KCNIP4: variants seen among roughly 807,000 people sequenced by gnomAD.
KCNIP4 encodes the protein potassium voltage-gated channel interacting protein 4, also known as Kv channel-interacting protein 4.
Under a neutral mutation model 34.0 loss-of-function variants are expected in KCNIP4, and 12 were observed. The observed-to-expected ratio is 0.35, with a 90% CI of 0.23 to 0.57. The LOEUF (loss-of-function observed/expected upper bound fraction) is 0.57, where lower values mean the gene tolerates loss of function less well. Ranked by LOEUF, KCNIP4 falls within the 20% of genes least tolerant of loss-of-function variation. KCNIP4 has a pLI of 0.83. For synonymous variants in KCNIP4, 124 were observed against 102.2 expected (o/e 1.21, Z -1.29); for missense variants, 238 against 311.7 (o/e 0.76, Z 1.78).
intron 1 of KCNIP4, among the ~76,000 whole-genome samples, chr4:21,206,535 G>T (rs755373065): frequency 2.0e-5 from 3 of 152,168 alleles, no homozygotes; most frequent in Non-Finnish European, 4.4e-5. Flanking sequence ...TTGGATGGGG[G>T]ATGGCTTCTT....
At chr4:21,426,802 C>G (rs1725967201) in intron 1 of KCNIP4, among the ~76,000 whole-genome samples, 1 of 151,232 alleles carries the variant, frequency 6.6e-6, no homozygotes, top group Non-Finnish European at 1.5e-5. Flanking sequence ...TTAATTTTTT[C>G]TCCATTGTTT....
intron 3 of KCNIP4, among the ~76,000 whole-genome samples, chr4:20,830,463 T>C (rs908345206): frequency 3.9e-5 from 6 of 152,284 alleles, no homozygotes; most frequent in Admixed American, 2.0e-4. Flanking sequence ...CTTCTGCATG[T>C]TCTTATGGGA....
chr4:21,291,853 CA>C (rs754018961), intron 1 of KCNIP4, among the ~76,000 whole-genome samples: 814 of 26,016 alleles, frequency 0.031, 15 homozygotes, highest in South Asian at 0.058. Flanking sequence ...GACTCCGCCT[CA>C]AAAAAAAAAA....
At chr4:21,097,137 T>C (rs1166503701) in intron 1 of KCNIP4, among the ~76,000 whole-genome samples, 2 of 152,044 alleles carry the variant, frequency 1.3e-5, no homozygotes, top group African/African-American at 4.8e-5. Context: ...CACCAAGACA[T>C]GTACAGAGAT....
In KCNIP4 at chr4:20,914,148, ACT is replaced by A. The variant is rs563169646; in HGVS notation, c.62-31441_62-31440del. ...CTCCAGCTTGGGCAATAAGAGCGAA[ACT>A]CTGTCTCAAAAAGAAAAAAAAAAGA... On this transcript the variant is annotated intron_variant, in intron 1 of 8. Transcript: ENST00000382152. Among the ~76,000 whole-genome samples the A allele has an allele frequency of 2.0e-3, 299 of 151,964 alleles. 1 individual carries two copies. Among genetic ancestry groups the A allele is most frequent in the African/African-American group, 7.0e-3 (289 of 41,442 alleles).
At chr4:20,840,593 G>A (rs1719602165) in intron 3 of KCNIP4, among the ~76,000 whole-genome samples, 1 of 152,164 alleles carries the variant, frequency 6.6e-6, no homozygotes, top group Non-Finnish European at 1.5e-5. Context: ...AGATGACCCA[G>A]TGGAGGAAGC....
At chr4:21,038,168 G>C (rs1180640372) in intron 1 of KCNIP4, among the ~76,000 whole-genome samples, 1 of 151,790 alleles carries the variant, frequency 6.6e-6, no homozygotes, top group African/African-American at 2.4e-5. Context: ...AGTAGAGAAG[G>C]GTTTTCACCA....
chr4:20,817,067 A>G (rs1560487002), intron 3 of KCNIP4, among the ~76,000 whole-genome samples: 1 of 152,186 alleles, frequency 6.6e-6, no homozygotes, highest in Non-Finnish European at 1.5e-5. Context: ...CAACATTATT[A>G]AGTCGAGGAA....
rs528592169 is a variant in KCNIP4 at position 21,298,510 on chromosome 4, T to C, written c.62-415801A>G. Among the ~76,000 whole-genome samples, 39 of 152,182 alleles carry C rather than the reference T, an allele frequency of 2.6e-4. No individual in the cohort carries two copies. In the South Asian group the frequency reaches 8.1e-3, roughly 32 times the overall value. On this transcript the variant is annotated intron_variant, in intron 1 of 8. Transcript: ENST00000382152. ...TTTCTCAGTAGCATCTTATGTTGAA[T>C]TTCCTCCTTTCTCCAATCACCAGCC...
At chr4:21,232,223 C>G (rs1420551446) in intron 1 of KCNIP4, among the ~76,000 whole-genome samples, 1 of 152,074 alleles carries the variant, frequency 6.6e-6, no homozygotes, top group Non-Finnish European at 1.5e-5. Flanking sequence ...TGTAAAGTAT[C>G]TGTGTCACTC....
intron 1 of KCNIP4, among the ~76,000 whole-genome samples, chr4:21,027,234 T>C (rs1740634000): frequency 6.6e-6 from 1 of 152,130 alleles, no homozygotes; most frequent in African/African-American, 2.4e-5. Flanking sequence ...TTGGCTGTCA[T>C]TGTAAATAAA....
Position 21,740,466 on chromosome 4 carries a change from A to G in KCNIP4, c.61+208105T>C, listed in dbSNP as rs181157478. ...TCCATAAATAATTATTAATCATATC[A>G]CATGTGCCAGGAACTGATATATATA... is the stretch of plus-strand genomic sequence containing the variant. On this transcript the variant is annotated intron_variant, in intron 1 of 8. Coordinates refer to ENST00000382152, the MANE Select transcript of KCNIP4 (RefSeq NM_025221.6). 3.2e-3 allele frequency among the ~76,000 whole-genome samples: 488 copies of G among 151,912 alleles called. 1 individual carries two copies. The highest frequency in any genetic ancestry group is 6.3e-3 in the Non-Finnish European group (431 of 67,922).
At chr4:21,628,143 C>T (rs1745464480) in intron 1 of KCNIP4, among the ~76,000 whole-genome samples, 1 of 152,090 alleles carries the variant, frequency 6.6e-6, no homozygotes, top group Non-Finnish European at 1.5e-5. Flanking sequence ...TTATAGAATT[C>T]ATGGTTCTTT....
At chr4:21,291,869 AAGAAAGAAAGAAAG>A (rs1763510812) in intron 1 of KCNIP4, among the ~76,000 whole-genome samples, 5 of 11,772 alleles carry the variant, frequency 4.2e-4, no homozygotes, top group South Asian at 6.6e-3. Context: ...AAAAAAAAAA[AAGAAAGAAAGAAAG>A]AAAGAAAGAA....
At chr4:21,556,937 A>AAC (rs1420038468) in intron 1 of KCNIP4, among the ~76,000 whole-genome samples, 2 of 149,578 alleles carry the variant, frequency 1.3e-5, no homozygotes, top group Non-Finnish European at 3.0e-5. Context: ...AAAAAAAAAA[A>AAC]AAAAAACCAG....
At chr4:21,149,726 T>C (rs541546184) in intron 1 of KCNIP4, among the ~76,000 whole-genome samples, 1 of 152,108 alleles carries the variant, frequency 6.6e-6, no homozygotes, top group African/African-American at 2.4e-5. Flanking sequence ...GAGGCAAGAC[T>C]AAGGAGAGTA....
intron 1 of KCNIP4, among the ~76,000 whole-genome samples, chr4:21,032,023 G>A (rs975893041): frequency 1.3e-5 from 2 of 152,130 alleles, no homozygotes; most frequent in African/African-American, 2.4e-5. Flanking sequence ...GCCACTAGAC[G>A]TGCTCAATGT....
intron 1 of KCNIP4, among the ~76,000 whole-genome samples, chr4:21,059,157 G>A (rs73245225): frequency 0.059 from 8,978 of 152,076 alleles, 313 homozygotes; most frequent in East Asian, 0.14. Context: ...CTAGTTTTGG[G>A]TATGTTATTA....
intron 1 of KCNIP4, among the ~76,000 whole-genome samples, chr4:21,404,667 G>A (rs1037836956): frequency 2.0e-5 from 3 of 152,032 alleles, no homozygotes; most frequent in Non-Finnish European, 4.4e-5. Context: ...TAGGATTGTA[G>A]ACAAATTCTA....
Sources: gnomAD v4.1 joint callset for allele counts (sites outside exome capture counted in the v4.1 genomes callset) on GRCh38, gnomAD v4.1.1 for gene constraint, MANE v1.5 for transcripts, NCBI Gene and HGNC (gene_info 2026-07-23, HGNC 2026-07-21) for gene names.